Variants in PTPRD observed in about 807,000 individuals in gnomAD.
The protein encoded by PTPRD is protein tyrosine phosphatase receptor type D.
A neutral mutation model predicts 214.5 loss-of-function variants in PTPRD; 34 were observed. The observed-to-expected ratio is 0.16, with a 90% CI of 0.12 to 0.21. The LOEUF is 0.21. PTPRD is among the 10% of genes least tolerant of loss of function. PTPRD has a pLI of 1.00. For synonymous variants in PTPRD, 1,128 were observed against 845.7 expected (o/e 1.33, Z -5.79); for missense variants, 2,545 against 2,398.7 (o/e 1.06, Z -1.27).
At chr9:9,267,699 C>A (rs554630601) in intron 9 of PTPRD, among the ~76,000 whole-genome samples, 9 of 151,096 alleles carry the variant, frequency 6.0e-5, no homozygotes, top group African/African-American at 1.7e-4. Flanking sequence ...TGATATTTAT[C>A]CCTGGAATGC....
At chr9:8,334,810 A>G (rs1231461101) in intron 43 of PTPRD, among the ~76,000 whole-genome samples, 2 of 126,772 alleles carry the variant, frequency 1.6e-5, no homozygotes, top group Non-Finnish European at 3.4e-5. Flanking sequence ...CAGACACAAT[A>G]AAAAAGGACA....
intron 2 of PTPRD, among the ~76,000 whole-genome samples, chr9:10,516,284 T>G (rs555703561): frequency 6.6e-6 from 1 of 152,074 alleles, no homozygotes; most frequent in Admixed American, 6.5e-5. Context: ...CATGAGGTGA[T>G]ATCTCATTGT....
chr9:9,048,063 T>C (rs1199110814), intron 10 of PTPRD, among the ~76,000 whole-genome samples: 1 of 152,182 alleles, frequency 6.6e-6, no homozygotes, highest in Non-Finnish European at 1.5e-5. Context: ...TTGACATCAC[T>C]GATCATCAGA....
chr9:8,602,981 G>A (rs1398029622), intron 14 of PTPRD, among the ~76,000 whole-genome samples: 2 of 152,060 alleles, frequency 1.3e-5, no homozygotes, highest in Non-Finnish European at 2.9e-5. Flanking sequence ...TGCTGCCACT[G>A]GAAGATGAAG....
chr9:9,786,427 T>C (rs2098924569), intron 5 of PTPRD, among the ~76,000 whole-genome samples: 1 of 152,196 alleles, frequency 6.6e-6, no homozygotes, highest in Non-Finnish European at 1.5e-5. Flanking sequence ...TATATAATGG[T>C]ATGAGGTCAT....
At chr9:9,849,283 C>G (rs1265895169) in intron 5 of PTPRD, among the ~76,000 whole-genome samples, 2 of 151,016 alleles carry the variant, frequency 1.3e-5, no homozygotes, top group Admixed American at 6.6e-5. Context: ...AGGAAGGAAA[C>G]ACATGTCTGA....
At chr9:9,954,303 A>C (rs868587730) in intron 4 of PTPRD, among the ~76,000 whole-genome samples, 13 of 145,332 alleles carry the variant, frequency 8.9e-5, no homozygotes, top group African/African-American at 2.4e-4. Flanking sequence ...AAAACAAAAA[A>C]AAAAAAAAAA....
chr9:9,864,225 G>A (rs988012033), intron 5 of PTPRD, among the ~76,000 whole-genome samples: 3 of 152,088 alleles, frequency 2.0e-5, no homozygotes, highest in African/African-American at 7.2e-5. Context: ...AGAATCGCTT[G>A]AACCCGGGAG....
At chr9:9,551,249 T>C (rs1231509599) in intron 8 of PTPRD, among the ~76,000 whole-genome samples, 1 of 151,982 alleles carries the variant, frequency 6.6e-6, no homozygotes, top group Non-Finnish European at 1.5e-5. Flanking sequence ...GAAGGATCAG[T>C]AAATGCTTAA....
chr9:9,211,253 A>G (rs937569710), intron 9 of PTPRD, among the ~76,000 whole-genome samples: 8 of 152,128 alleles, frequency 5.3e-5, no homozygotes. Flanking sequence ...TGTTAACTCA[A>G]ACATAGCCTA....
intron 2 of PTPRD, among the ~76,000 whole-genome samples, chr9:10,358,960 C>G (rs933024174): frequency 6.6e-6 from 1 of 151,838 alleles, no homozygotes; most frequent in Non-Finnish European, 1.5e-5. Context: ...CATACTTTGC[C>G]ATAGAATTCA....
intron 32 of PTPRD, among the ~76,000 whole-genome samples, chr9:8,463,609 G>A (rs2134342097): frequency 6.6e-6 from 1 of 151,930 alleles, no homozygotes; most frequent in South Asian, 2.1e-4. Flanking sequence ...AAGAAACAGA[G>A]ACATATGAAA....
At chr9:9,631,398 C>T (rs936032133) in intron 7 of PTPRD, among the ~76,000 whole-genome samples, 1 of 152,082 alleles carries the variant, frequency 6.6e-6, no homozygotes, top group African/African-American at 2.4e-5. Context: ...TTGGCATGCA[C>T]ATTCAGCCAC....
Position 8,485,344 on chromosome 9 carries a change from A to G in PTPRD, c.3056-20T>C. Reference sequence around the variant, plus strand: ...CAAACACTGCTGGAAAAGGAAAAACAGTGTATTTAAACTATTCTTAAAACA... The same window carrying G: ...CAAACACTGCTGGAAAAGGAAAAACGGTGTATTTAAACTATTCTTAAAACA... On this transcript the variant is annotated intron_variant, in intron 28 of 45. Coordinates refer to ENST00000381196, the MANE Select transcript of PTPRD (RefSeq NM_002839.4). 6.4e-7 allele frequency: 1 copy of G among 1,568,740 alleles called. No homozygotes were observed. The highest frequency in any genetic ancestry group is 8.8e-7 in the Non-Finnish European group (1 of 1,139,254).
intron 6 of PTPRD, among the ~76,000 whole-genome samples, chr9:9,755,487 C>A (rs1224094154): frequency 6.6e-6 from 1 of 152,002 alleles, no homozygotes; most frequent in East Asian, 1.9e-4. Context: ...TTCCTCAGGC[C>A]TTTGGAGGCA....
At chr9:10,503,209 A>AAAAAAAAAAAAAAAC (rs1566570259) in intron 2 of PTPRD, among the ~76,000 whole-genome samples, 1 of 92,968 alleles carries the variant, frequency 1.1e-5, no homozygotes, top group Non-Finnish European at 2.0e-5. Context: ...AAAAAAAAAC[A>AAAAAAAAAAAAAAAC]AAAAAAAACA....
chr9:9,954,695 C>A (rs1051186143), intron 4 of PTPRD, among the ~76,000 whole-genome samples: 1 of 152,004 alleles, frequency 6.6e-6, no homozygotes, highest in East Asian at 1.9e-4. Context: ...ATCCTCCCTC[C>A]CATCTGAAAC....
At chr9:9,905,139 C>T (rs948113113) in intron 5 of PTPRD, among the ~76,000 whole-genome samples, 3 of 151,860 alleles carry the variant, frequency 2.0e-5, no homozygotes, top group Non-Finnish European at 2.9e-5. Flanking sequence ...CAATTTAGTT[C>T]GTACTTGAAC....
chr9:9,787,045 G>A (rs1270612408), intron 5 of PTPRD, among the ~76,000 whole-genome samples: 1 of 151,950 alleles, frequency 6.6e-6, no homozygotes, highest in African/African-American at 2.4e-5. Context: ...TCTGAAGCAT[G>A]ATAATTGCTT....
Sources: allele counts gnomAD v4.1 joint callset (sites outside exome capture counted in the v4.1 genomes callset), GRCh38; gene constraint gnomAD v4.1.1; transcripts MANE v1.5; gene names NCBI Gene and HGNC (gene_info 2026-07-23, HGNC 2026-07-21).